LYG1: variants seen among roughly 807,000 people sequenced by gnomAD.
LYG1 encodes lysozyme g-like protein 1.
A neutral mutation model predicts 21.7 loss-of-function variants in LYG1; 17 were observed. The observed-to-expected ratio is 0.78, with a 90% CI of 0.54 to 1.18. The LOEUF is 1.18. Among genes scored for constraint, LYG1 ranks in the 50% most tolerant of loss-of-function variants. The pLI is 0.00. For synonymous variants in LYG1, 81 were observed against 87.4 expected, an observed-to-expected ratio of 0.93 and a Z score of 0.41; for missense variants, 211 against 238.1, an observed-to-expected ratio of 0.89 and a Z score of 0.75.
At chr2:99,294,487 C>T (rs2094130386) in intron 3 of LYG1, among the ~76,000 whole-genome samples, 1 of 148,610 alleles carries the variant, frequency 6.7e-6, no homozygotes, top group Admixed American at 7.0e-5. Flanking sequence ...TATGAATATA[C>T]TAAAAATTAA....
intron 1 of LYG1, among the ~76,000 whole-genome samples, chr2:99,300,445 A>G (rs1460512629): frequency 1.3e-5 from 2 of 150,610 alleles, no homozygotes; most frequent in Admixed American, 1.3e-4. Flanking sequence ...CCTTCTGCAC[A>G]GAGCAAATCA....
chr2:99,294,509 G>C (rs4851198), intron 3 of LYG1, among the ~76,000 whole-genome samples: 1 of 151,904 alleles, frequency 6.6e-6, no homozygotes, highest in Non-Finnish European at 1.5e-5. Context: ...CCAGCTGACA[G>C]GTTCTTTTTT....
intron 3 of LYG1, 84 bp downstream of exon 3, chr2:99,295,544 T>C: frequency 2.0e-6 from 3 of 1,491,452 alleles, no homozygotes; most frequent in Non-Finnish European, 2.8e-6. Flanking sequence ...TTTTGTTGCA[T>C]TTTCAAGTAT....
At chr2:99,289,325 T>G (rs1017076203) in intron 5 of LYG1, among the ~76,000 whole-genome samples, 3 of 151,878 alleles carry the variant, frequency 2.0e-5, no homozygotes, top group African/African-American at 7.3e-5. Context: ...CCAGGCATGG[T>G]GGTGCATGCT....
intron 5 of LYG1, among the ~76,000 whole-genome samples, chr2:99,288,148 T>A (rs143426723): frequency 2.2e-4 from 34 of 152,332 alleles, no homozygotes; most frequent in African/African-American, 8.2e-4. Flanking sequence ...ATTTTGAGGC[T>A]ATTTTACTGG....
intron 1 of LYG1, among the ~76,000 whole-genome samples, chr2:99,300,532 T>TA (rs2094151146): frequency 6.6e-6 from 1 of 152,234 alleles, no homozygotes; most frequent in Non-Finnish European, 1.5e-5. Flanking sequence ...CCGAGGCTGT[T>TA]AGACATGTTG....
intron 2 of LYG1, among the ~76,000 whole-genome samples, chr2:99,297,132 C>T (rs989241471): frequency 6.6e-5 from 10 of 152,290 alleles, no homozygotes; most frequent in South Asian, 6.2e-4. Context: ...ATGGTCTGTC[C>T]GATTTTGCTT....
chr2:99,287,930 C>T (rs2094106063), intron 5 of LYG1, among the ~76,000 whole-genome samples: 1 of 151,974 alleles, frequency 6.6e-6, no homozygotes, highest in Non-Finnish European at 1.5e-5. Flanking sequence ...CCTCATTTTT[C>T]TCTCCTGCTC....
intron 6 of LYG1, 76 bp downstream of exon 6, chr2:99,284,612 G>T: frequency 6.3e-7 from 1 of 1,593,364 alleles, no homozygotes. Flanking sequence ...GAGTTTCGGG[G>T]AATCTGGTGC....
upstream of LYG1, among the ~76,000 whole-genome samples, chr2:99,302,140 C>T (rs139878329): frequency 2.0e-4 from 30 of 151,566 alleles, 1 homozygote; most frequent in Admixed American, 9.2e-4. Context: ...GTGTCTCATT[C>T]GTCTTTATAA....
In LYG1 at chr2:99,291,982, T is replaced by G. The variant is rs75284812; in HGVS notation, c.148+554A>C. On this transcript the variant is annotated intron_variant, in intron 4 of 6. Transcript: ENST00000308528. ...TAGCTAGCCTTACCTTCTAGGTGCT[T>G]TTATGGTTTAAAAAGCACCCTCGGC... Among the ~76,000 whole-genome samples the G allele has an allele frequency of 2.8e-3, 423 of 152,160 alleles. 17 individuals are homozygous for G. In the East Asian group the frequency reaches 0.073, roughly 26 times the overall value.
chr2:99,299,891 ATCT>A, intron 1 of LYG1, among the ~76,000 whole-genome samples: 1 of 151,316 alleles, frequency 6.6e-6, no homozygotes, highest in East Asian at 1.9e-4. Flanking sequence ...TGCTATTCTA[ATCT>A]TCTCCCTCCC....
intron 5 of LYG1, among the ~76,000 whole-genome samples, chr2:99,287,158 T>G (rs1468936058): frequency 6.6e-6 from 1 of 152,220 alleles, no homozygotes; most frequent in Non-Finnish European, 1.5e-5. Flanking sequence ...ATTTTAGTCA[T>G]GCAAGACAAG....
chr2:99,298,839 A>G (rs570196665), intron 1 of LYG1, among the ~76,000 whole-genome samples: 2 of 152,076 alleles, frequency 1.3e-5, no homozygotes, highest in South Asian at 4.2e-4. Context: ...TATTGCTAAC[A>G]TGTCTCTGTG....
intron 5 of LYG1, among the ~76,000 whole-genome samples, chr2:99,286,916 T>C (rs1394272150): frequency 6.6e-6 from 1 of 152,140 alleles, no homozygotes; most frequent in Non-Finnish European, 1.5e-5. Flanking sequence ...ACACATATCA[T>C]GGAAGATTAT....
chr2:99,301,393 AAG>A (rs796705471), upstream of LYG1, among the ~76,000 whole-genome samples: 1 of 149,486 alleles, frequency 6.7e-6, no homozygotes, highest in Non-Finnish European at 1.5e-5. Context: ...ACAAGGAAGG[AAG>A]AGAGAGAGAA....
upstream of LYG1, among the ~76,000 whole-genome samples, chr2:99,303,347 A>G (rs2094159613): frequency 6.6e-6 from 1 of 152,058 alleles, no homozygotes; most frequent in Admixed American, 6.5e-5. Flanking sequence ...TCCACCTACA[A>G]AAGCACCCTG....
intron 4 of LYG1, 104 bp downstream of exon 4, chr2:99,292,432 T>G: frequency 2.4e-6 from 2 of 834,860 alleles, no homozygotes; most frequent in Non-Finnish European, 2.0e-6. Flanking sequence ...GAAGCAGAGC[T>G]TTGGGACCCC....
upstream of LYG1, among the ~76,000 whole-genome samples, chr2:99,302,237 TAC>T (rs1455071373): frequency 2.0e-5 from 3 of 152,186 alleles, no homozygotes; most frequent in East Asian, 3.9e-4. Context: ...CTGACTGGTA[TAC>T]AGTCTGTTTC....
Sources: gnomAD v4.1 joint callset for allele counts (sites outside exome capture counted in the v4.1 genomes callset) on GRCh38, gnomAD v4.1.1 for gene constraint, MANE v1.5 for transcripts, NCBI Gene and HGNC (gene_info 2026-07-23, HGNC 2026-07-21) for gene names.